Variants in PSTPIP2 observed in about 807,000 individuals in gnomAD.
PSTPIP2 encodes the protein proline-serine-threonine phosphatase interacting protein 2.
In PSTPIP2, 33 loss-of-function variants were observed where a neutral mutation model predicts 63.3. That is an observed-to-expected ratio of 0.52 (90% confidence interval 0.40 to 0.70). PSTPIP2 has a LOEUF of 0.70. Among genes scored for constraint, PSTPIP2 ranks in the 30% least tolerant of loss-of-function variants. PSTPIP2 has a pLI of 0.00. For synonymous variants in PSTPIP2, 125 were observed against 132.7 expected, an observed-to-expected ratio of 0.94 and a Z score of 0.40; for missense variants, 312 against 400.7, an observed-to-expected ratio of 0.78 and a Z score of 1.89.
At chr18:46,069,761 CTT>C (rs1279100578) in intron 1 of PSTPIP2, among the ~76,000 whole-genome samples, 3 of 152,216 alleles carry the variant, frequency 2.0e-5, no homozygotes, top group African/African-American at 7.2e-5. Context: ...ATGTCCCTCT[CTT>C]GGGCCTGTGA....
At chr18:46,071,545 G>C (rs1909393180) in intron 1 of PSTPIP2, among the ~76,000 whole-genome samples, 1 of 152,168 alleles carries the variant, frequency 6.6e-6, no homozygotes, top group Non-Finnish European at 1.5e-5. Context: ...AAGGGCTGGG[G>C]CAATGGCCTG....
At chr18:46,027,297 A>AAAATAAATAAAT (rs67989237) in intron 2 of PSTPIP2, among the ~76,000 whole-genome samples, 7 of 141,820 alleles carry the variant, frequency 4.9e-5, no homozygotes, top group African/African-American at 1.1e-4. Flanking sequence ...CTCCATCTCA[A>AAAATAAATAAAT]AAATAAATAA....
At chr18:46,042,272 C>T (rs550942217) in intron 1 of PSTPIP2, among the ~76,000 whole-genome samples, 21 of 152,260 alleles carry the variant, frequency 1.4e-4, no homozygotes, top group African/African-American at 4.6e-4. Context: ...CCATACATAC[C>T]CCTCTGTCTT....
chr18:45,989,487 C>G (rs551042616), intron 13 of PSTPIP2, among the ~76,000 whole-genome samples: 2 of 152,164 alleles, frequency 1.3e-5, no homozygotes, highest in Non-Finnish European at 2.9e-5. Context: ...CCAATTAAGC[C>G]TCTTTTTCTT....
At chr18:46,053,115 A>G (rs1396907866) in intron 1 of PSTPIP2, among the ~76,000 whole-genome samples, 1 of 151,980 alleles carries the variant, frequency 6.6e-6, no homozygotes, top group Non-Finnish European at 1.5e-5. Context: ...TATTCCAAGA[A>G]CTTTTCACCT....
chr18:46,066,837 C>T (rs1240786697), intron 1 of PSTPIP2, among the ~76,000 whole-genome samples: 3 of 152,242 alleles, frequency 2.0e-5, no homozygotes, highest in African/African-American at 7.2e-5. Flanking sequence ...CCAGCCTGCC[C>T]AACCTGGTGA....
chr18:46,035,207 G>A (rs149772833), intron 2 of PSTPIP2, among the ~76,000 whole-genome samples: 1 of 152,186 alleles, frequency 6.6e-6, no homozygotes, highest in Non-Finnish European at 1.5e-5. Flanking sequence ...TGGATCACTT[G>A]AGACCAAGAG....
At chr18:46,036,392 G>C (rs1194967508) in intron 2 of PSTPIP2, among the ~76,000 whole-genome samples, 1 of 152,126 alleles carries the variant, frequency 6.6e-6, no homozygotes, top group Non-Finnish European at 1.5e-5. Context: ...CAGCTAATAA[G>C]GAGTAATATG....
chr18:46,022,078 C>T (rs906981450), intron 3 of PSTPIP2, among the ~76,000 whole-genome samples: 6 of 151,740 alleles, frequency 4.0e-5, no homozygotes, highest in Admixed American at 6.6e-5. Flanking sequence ...TTTTACTTTT[C>T]TGTGATTTTT....
intron 2 of PSTPIP2, chr18:46,028,459 C>G: frequency 1.7e-6 from 1 of 593,236 alleles, no homozygotes; most frequent in Non-Finnish European, 3.3e-6. Flanking sequence ...GAAGACAAAC[C>G]GGCCGTGGAG....
intron 1 of PSTPIP2, among the ~76,000 whole-genome samples, chr18:46,069,398 G>A (rs187032729): frequency 6.6e-6 from 1 of 152,188 alleles, no homozygotes; most frequent in Non-Finnish European, 1.5e-5. Flanking sequence ...CACAAAGAAG[G>A]TATAAACAGG....
chr18:46,003,400 T>C (rs1471372627), intron 6 of PSTPIP2, among the ~76,000 whole-genome samples: 1 of 152,132 alleles, frequency 6.6e-6, no homozygotes, highest in East Asian at 1.9e-4. Context: ...CCTGGTGTGG[T>C]GGAAGTTTAG....
chr18:46,023,251 A>C (rs368367748), intron 3 of PSTPIP2, among the ~76,000 whole-genome samples: 1 of 152,102 alleles, frequency 6.6e-6, no homozygotes, highest in Non-Finnish European at 1.5e-5. Flanking sequence ...CTGCACATAT[A>C]CCCCTAAACT....
At chr18:46,063,755 T>C (rs1236707933) in intron 1 of PSTPIP2, among the ~76,000 whole-genome samples, 1 of 152,098 alleles carries the variant, frequency 6.6e-6, no homozygotes, top group African/African-American at 2.4e-5. Context: ...TAACCAAATG[T>C]GCACTCTCCC....
intron 3 of PSTPIP2, among the ~76,000 whole-genome samples, chr18:46,018,680 T>TC (rs1568218343): frequency 2.0e-5 from 3 of 151,888 alleles, no homozygotes; most frequent in African/African-American, 7.3e-5. Context: ...AGATTTTTTT[T>TC]CTCTGGTTTA....
intron 2 of PSTPIP2, among the ~76,000 whole-genome samples, chr18:46,027,336 AT>A (rs1161846974): frequency 2.0e-5 from 3 of 149,662 alleles, no homozygotes; most frequent in Non-Finnish European, 3.0e-5. Flanking sequence ...AAATAAATAA[AT>A]AAATAAAAAT....
intron 1 of PSTPIP2, among the ~76,000 whole-genome samples, chr18:46,055,821 T>C (rs1310106165): frequency 6.6e-6 from 1 of 152,222 alleles, no homozygotes; most frequent in East Asian, 1.9e-4. Context: ...TAGTAAAGTA[T>C]AAAAGTTCTC....
intron 1 of PSTPIP2, among the ~76,000 whole-genome samples, chr18:46,058,886 A>C (rs1391169085): frequency 6.6e-6 from 1 of 152,176 alleles, no homozygotes; most frequent in African/African-American, 2.4e-5. Flanking sequence ...GACCCTGGAC[A>C]CTGCCTGGGA....
At chr18:46,057,002 G>A (rs966145808) in intron 1 of PSTPIP2, among the ~76,000 whole-genome samples, 3 of 152,058 alleles carry the variant, frequency 2.0e-5, no homozygotes, top group African/African-American at 7.2e-5. Context: ...TACTTGGGAG[G>A]CTGAGGCAGG....
Sources: allele counts gnomAD v4.1 joint callset (sites outside exome capture counted in the v4.1 genomes callset), GRCh38; gene constraint gnomAD v4.1.1; transcripts MANE v1.5; gene names NCBI Gene and HGNC (gene_info 2026-07-23, HGNC 2026-07-21).